Variants in GUCY1A2 observed in about 807,000 individuals in gnomAD.
GUCY1A2 encodes guanylate cyclase soluble subunit alpha-2.
GUCY1A2 carries 27 observed loss-of-function variants against 63.5 expected under a neutral mutation model. The observed-to-expected ratio is 0.43, with a 90% CI of 0.31 to 0.59. The LOEUF (loss-of-function observed/expected upper bound fraction) is 0.59. Ranked by LOEUF, GUCY1A2 falls within the 20% of genes least tolerant of loss-of-function variation. GUCY1A2 has a pLI of 0.11. For missense variants in GUCY1A2, 768 were observed against 913.3 expected, an observed-to-expected ratio of 0.84 and a Z score of 2.05; for synonymous variants, 364 against 343.5, an observed-to-expected ratio of 1.06 and a Z score of -0.66.
chr11:106,808,986 C>G (rs1261766310), intron 5 of GUCY1A2, among the ~76,000 whole-genome samples: 8 of 152,030 alleles, frequency 5.3e-5, no homozygotes, highest in African/African-American at 1.9e-4. Context: ...AGAAGAGATT[C>G]AATTAAAATA....
chr11:106,845,507 A>G (rs950735119), intron 4 of GUCY1A2, among the ~76,000 whole-genome samples: 8 of 151,600 alleles, frequency 5.3e-5, no homozygotes, highest in Non-Finnish European at 7.4e-5. Flanking sequence ...CTCACTGACT[A>G]TCTCTTCCAT....
chr11:106,797,104 G>A (rs565838696), intron 5 of GUCY1A2, among the ~76,000 whole-genome samples: 12 of 152,126 alleles, frequency 7.9e-5, no homozygotes, highest in African/African-American at 2.6e-4. Context: ...CATAGTTCTC[G>A]TGCCATGGTT....
At chr11:106,822,557 A>T (rs140287200) in intron 4 of GUCY1A2, among the ~76,000 whole-genome samples, 40 of 152,208 alleles carry the variant, frequency 2.6e-4, no homozygotes, top group Non-Finnish European at 4.9e-4. Flanking sequence ...TATTGTTCCC[A>T]TCTTTGCATC....
chr11:106,760,204 GT>G (rs1339281833), intron 6 of GUCY1A2, among the ~76,000 whole-genome samples: 2 of 152,126 alleles, frequency 1.3e-5, no homozygotes, highest in African/African-American at 4.8e-5. Context: ...TCTTTGTTAT[GT>G]CAGGCACAGA....
At chr11:106,746,806 T>C (rs986905421) in intron 6 of GUCY1A2, among the ~76,000 whole-genome samples, 5 of 151,924 alleles carry the variant, frequency 3.3e-5, no homozygotes, top group Non-Finnish European at 7.4e-5. Flanking sequence ...TTATCTGGCA[T>C]AGGAAGCTCT....
chr11:106,829,576 A>C (rs566839309), intron 4 of GUCY1A2, among the ~76,000 whole-genome samples: 1 of 152,198 alleles, frequency 6.6e-6, no homozygotes, highest in Non-Finnish European at 1.5e-5. Flanking sequence ...TGAAGGATGC[A>C]AAGTATTGAA....
At chr11:106,712,421 C>T (rs1005820410) in intron 6 of GUCY1A2, among the ~76,000 whole-genome samples, 8 of 152,080 alleles carry the variant, frequency 5.3e-5, no homozygotes, top group African/African-American at 9.7e-5. Flanking sequence ...TAAAAATCAC[C>T]GTTTTAATGC....
At chr11:106,774,091 T>C (rs537959407) in intron 6 of GUCY1A2, among the ~76,000 whole-genome samples, 2 of 152,320 alleles carry the variant, frequency 1.3e-5, no homozygotes, top group East Asian at 3.9e-4. Flanking sequence ...CCCCCAAGCA[T>C]TTATTGAATG....
intron 5 of GUCY1A2, among the ~76,000 whole-genome samples, chr11:106,787,695 C>A (rs1394727671): frequency 1.3e-5 from 2 of 149,426 alleles, no homozygotes; most frequent in Admixed American, 1.3e-4. Flanking sequence ...GTCCATCCAT[C>A]TTATCGCAAA....
chr11:106,833,189 C>CAG (rs1216934703), intron 4 of GUCY1A2, among the ~76,000 whole-genome samples: 1 of 152,046 alleles, frequency 6.6e-6, no homozygotes, highest in Admixed American at 6.6e-5. Context: ...AGGGCCCACC[C>CAG]TACTGGCCTC....
intron 1 of GUCY1A2, among the ~76,000 whole-genome samples, chr11:107,000,174 G>A (rs911711713): frequency 6.6e-6 from 1 of 152,154 alleles, no homozygotes; most frequent in Non-Finnish European, 1.5e-5. Context: ...GGGAAGATTG[G>A]TTTTCTTTGA....
At chr11:106,860,199 C>T (rs977671835) in intron 4 of GUCY1A2, among the ~76,000 whole-genome samples, 1 of 151,682 alleles carries the variant, frequency 6.6e-6, no homozygotes, top group African/African-American at 2.4e-5. Flanking sequence ...ATAATGTATA[C>T]ACACAGTGCT....
intron 6 of GUCY1A2, among the ~76,000 whole-genome samples, chr11:106,753,283 A>G (rs942654510): frequency 6.6e-6 from 1 of 152,076 alleles, no homozygotes; most frequent in Non-Finnish European, 1.5e-5. Context: ...TGTCAGATGG[A>G]TAGATTGCAA....
At chr11:106,964,832 T>C (rs1306425295) in intron 3 of GUCY1A2, among the ~76,000 whole-genome samples, 2 of 151,944 alleles carry the variant, frequency 1.3e-5, no homozygotes, top group Non-Finnish European at 1.5e-5. Flanking sequence ...ACGAAAAAAT[T>C]AGCTGGGCGT....
At chr11:106,912,653 A>C (rs978715766) in intron 4 of GUCY1A2, among the ~76,000 whole-genome samples, 2 of 152,166 alleles carry the variant, frequency 1.3e-5, no homozygotes, top group Non-Finnish European at 2.9e-5. Context: ...TAAGCTTGGC[A>C]CAATCCTGTC....
chr11:106,776,318 CCTT>C, intron 6 of GUCY1A2, 118 bp downstream of exon 6: 1 of 721,376 alleles, frequency 1.4e-6, no homozygotes, highest in Non-Finnish European at 2.4e-6. Flanking sequence ...TCCTTGTCCT[CCTT>C]AAGCACCCAA....
intron 6 of GUCY1A2, among the ~76,000 whole-genome samples, chr11:106,737,525 T>C (rs1262672460): frequency 6.6e-6 from 1 of 152,140 alleles, no homozygotes; most frequent in Non-Finnish European, 1.5e-5. Flanking sequence ...ATTAGGTATT[T>C]CTCCTAATGC....
At chr11:106,799,752 A>C (rs567872489) in intron 5 of GUCY1A2, among the ~76,000 whole-genome samples, 103 of 152,344 alleles carry the variant, frequency 6.8e-4, no homozygotes, top group Non-Finnish European at 8.4e-4. Context: ...AAGATGGATT[A>C]AAGACTTAAA....
intron 4 of GUCY1A2, among the ~76,000 whole-genome samples, chr11:106,835,857 A>G (rs1859110311): frequency 6.6e-6 from 1 of 151,934 alleles, no homozygotes; most frequent in Non-Finnish European, 1.5e-5. Context: ...AGAAAATTCT[A>G]AAAGTGCATT....
Sources: gnomAD v4.1 joint callset for allele counts (sites outside exome capture counted in the v4.1 genomes callset) on GRCh38, gnomAD v4.1.1 for gene constraint, MANE v1.5 for transcripts, NCBI Gene and HGNC (gene_info 2026-07-23, HGNC 2026-07-21) for gene names.